FSTL4: variants seen among roughly 807,000 people sequenced by gnomAD.
The protein encoded by FSTL4 is follistatin like 4.
A neutral mutation model predicts 78.2 loss-of-function variants in FSTL4; 28 were observed. The ratio of observed to expected loss-of-function variants is 0.36; its 90% CI spans 0.27 to 0.49. The LOEUF (loss-of-function observed/expected upper bound fraction) is 0.49, where lower values mean the gene tolerates loss of function less well. Ranked by LOEUF, FSTL4 falls within the 20% of genes least tolerant of loss-of-function variation. The pLI is 0.98. For missense variants in FSTL4, 922 were observed against 1,084.9 expected, an observed-to-expected ratio of 0.85 and a Z score of 2.11; for synonymous variants, 422 against 440.5, an observed-to-expected ratio of 0.96 and a Z score of 0.53.
the FSTL4 span, among the ~76,000 whole-genome samples, chr5:133,716,337 G>A: frequency 3.8e-3 from 575 of 151,736 alleles, 7 homozygotes; most frequent in African/African-American, 0.014. Context: ...AAAACCACAG[G>A]CCATCAGCAG....
At chr5:133,562,605 C>T (rs748081509) in intron 3 of FSTL4, among the ~76,000 whole-genome samples, 3 of 152,200 alleles carry the variant, frequency 2.0e-5, no homozygotes, top group Admixed American at 1.3e-4. Flanking sequence ...GGTTCCCTCA[C>T]AGCCTTGCTA....
chr5:133,292,039 G>C (rs1020531602), intron 6 of FSTL4, among the ~76,000 whole-genome samples: 4 of 152,190 alleles, frequency 2.6e-5, no homozygotes, highest in African/African-American at 9.7e-5. Context: ...CAGGCCTTGA[G>C]TCTCCACCCA....
In FSTL4 at chr5:133,286,629, T is replaced by C. The variant is rs531103296; in HGVS notation, c.727+26025A>G. ...CCCAGCTGGAGGCCACATCATCACA[T>C]TGGGGACCCTCCACTATGCATCTGA... On this transcript the variant is annotated intron_variant, in intron 6 of 15. Transcript: ENST00000265342. Among the ~76,000 whole-genome samples, 16 of 152,172 alleles carry C rather than the reference T, an allele frequency of 1.1e-4. No homozygotes were observed. The East Asian group carries it at 3.1e-3, about 29-fold the overall frequency.
intron 4 of FSTL4, among the ~76,000 whole-genome samples, chr5:133,331,218 C>A (rs1383066831): frequency 6.6e-6 from 1 of 152,226 alleles, no homozygotes; most frequent in Non-Finnish European, 1.5e-5. Context: ...CCAGGCAGGG[C>A]AGGTGTGCCC....
chr5:133,677,039 G>A, the FSTL4 span, among the ~76,000 whole-genome samples: 3 of 152,150 alleles, frequency 2.0e-5, no homozygotes, highest in Admixed American at 1.3e-4. Flanking sequence ...TGTAATAGAC[G>A]AAAATGTCAT....
intron 3 of FSTL4, among the ~76,000 whole-genome samples, chr5:133,557,269 A>T (rs114933445): frequency 3.3e-4 from 50 of 152,090 alleles, no homozygotes; most frequent in African/African-American, 1.2e-3. Flanking sequence ...AGAAGAGAGC[A>T]CCTCCCCCCT....
the FSTL4 span, among the ~76,000 whole-genome samples, chr5:133,749,160 C>T: frequency 6.6e-6 from 1 of 152,140 alleles, no homozygotes; most frequent in African/African-American, 2.4e-5. Flanking sequence ...CTTTGAATCC[C>T]TTAAGGAATG....
chr5:133,727,528 G>C, the FSTL4 span, among the ~76,000 whole-genome samples: 1 of 152,156 alleles, frequency 6.6e-6, no homozygotes, highest in East Asian at 1.9e-4. Flanking sequence ...AGGGACAATT[G>C]ATCAATAATT....
chr5:133,360,366 A>G (rs1200020124), intron 4 of FSTL4, among the ~76,000 whole-genome samples: 1 of 152,236 alleles, frequency 6.6e-6, no homozygotes, highest in East Asian at 1.9e-4. Flanking sequence ...TTCTGGTCCA[A>G]TGATCATTTT....
chr5:133,414,193 T>C (rs951659746), intron 3 of FSTL4, among the ~76,000 whole-genome samples: 4 of 152,194 alleles, frequency 2.6e-5, no homozygotes, highest in Non-Finnish European at 4.4e-5. Context: ...ACTCAGGTAG[T>C]TTGCATATGA....
At chr5:133,219,547 G>T (rs1751026097) in intron 12 of FSTL4, among the ~76,000 whole-genome samples, 1 of 152,188 alleles carries the variant, frequency 6.6e-6, no homozygotes, top group Non-Finnish European at 1.5e-5. Flanking sequence ...CCTGACGTGG[G>T]ATGCCCCAAT....
intron 6 of FSTL4, among the ~76,000 whole-genome samples, chr5:133,309,475 T>A (rs1753728503): frequency 6.6e-6 from 1 of 152,172 alleles, no homozygotes; most frequent in Non-Finnish European, 1.5e-5. Context: ...CTCCCATGAC[T>A]AGGCACTGCC....
chr5:133,352,313 CACACATATATATACACACATATATATAT>C (rs1561682949), intron 4 of FSTL4, among the ~76,000 whole-genome samples: 3 of 110,866 alleles, frequency 2.7e-5, no homozygotes, highest in East Asian at 3.2e-4. Context: ...TATATATATA[CACACATATATATACACACATATATATAT>C]ACACATATAT....
intron 4 of FSTL4, among the ~76,000 whole-genome samples, chr5:133,365,509 A>G (rs1400515245): frequency 6.6e-6 from 1 of 151,884 alleles, no homozygotes; most frequent in Non-Finnish European, 1.5e-5. Context: ...CCACCTGCTG[A>G]TTTGCTAATC....
intron 11 of FSTL4, among the ~76,000 whole-genome samples, chr5:133,221,171 TC>T (rs1420439690): frequency 6.6e-6 from 1 of 152,202 alleles, no homozygotes; most frequent in African/African-American, 2.4e-5. Context: ...ATTTGACCTT[TC>T]CTGTTCTGAA....
At chr5:133,653,630 C>T in the FSTL4 span, among the ~76,000 whole-genome samples, 2 of 152,200 alleles carry the variant, frequency 1.3e-5, no homozygotes, top group African/African-American at 4.8e-5. Context: ...GCTGATGTCT[C>T]TTTATTAATG....
chr5:133,815,715 T>C, the FSTL4 span, among the ~76,000 whole-genome samples: 1 of 152,186 alleles, frequency 6.6e-6, no homozygotes, highest in South Asian at 2.1e-4. Context: ...TTCCCCCAAG[T>C]GTTTCTGGCA....
chr5:133,355,140 A>G (rs1754914475), intron 4 of FSTL4, among the ~76,000 whole-genome samples: 1 of 152,248 alleles, frequency 6.6e-6, no homozygotes, highest in African/African-American at 2.4e-5. Flanking sequence ...TGCAGAATAC[A>G]TATTCACAGG....
intron 3 of FSTL4, among the ~76,000 whole-genome samples, chr5:133,534,020 GT>G (rs1759305701): frequency 6.6e-6 from 1 of 152,046 alleles, no homozygotes; most frequent in South Asian, 2.1e-4. Flanking sequence ...GTCTTCATCT[GT>G]TTTGTGCTAC....
Sources: allele counts gnomAD v4.1 joint callset (sites outside exome capture counted in the v4.1 genomes callset), GRCh38; gene constraint gnomAD v4.1.1; transcripts MANE v1.5; gene names NCBI Gene and HGNC (gene_info 2026-07-23, HGNC 2026-07-21).